ARHGEF9: variants seen among roughly 807,000 people sequenced by gnomAD.
The protein encoded by ARHGEF9 is rho guanine nucleotide exchange factor 9.
ARHGEF9 carries 2 observed loss-of-function variants against 41.3 expected under a neutral mutation model. The ratio of observed to expected loss-of-function variants is 0.05; its 90% CI spans 0.02 to 0.15. The LOEUF (loss-of-function observed/expected upper bound fraction) is 0.15, where lower values mean the gene tolerates loss of function less well. ARHGEF9 is among the 10% of genes least tolerant of loss of function. The pLI is 1.00. For missense variants in ARHGEF9, 225 were observed against 424.7 expected, an observed-to-expected ratio of 0.53 and a Z score of 4.13; for synonymous variants, 160 against 154.4, an observed-to-expected ratio of 1.04 and a Z score of -0.27.
chrX:63,728,189 T>C (rs1340941760), intron 1 of ARHGEF9, among the ~76,000 whole-genome samples: 1 of 112,451 alleles, frequency 8.9e-6, no homozygotes, highest in East Asian at 2.8e-4. Flanking sequence ...GTTTTGAAAA[T>C]GTAAACTAAA....
chrX:63,711,254 G>A (rs1453594313), intron 2 of ARHGEF9, among the ~76,000 whole-genome samples: 7 of 111,570 alleles, frequency 6.3e-5, no homozygotes, highest in South Asian at 3.7e-4. Flanking sequence ...CAGATTCAAC[G>A]CAATACCTAT....
At chrX:63,685,308 G>C (rs1410419719) in intron 4 of ARHGEF9, among the ~76,000 whole-genome samples, 1 of 110,544 alleles carries the variant, frequency 9.0e-6, no homozygotes, top group African/African-American at 3.3e-5. Flanking sequence ...ACAATCCTGG[G>C]AGAAATCACA....
At chrX:63,672,062 G>C (rs868943289) in intron 6 of ARHGEF9, among the ~76,000 whole-genome samples, 5 of 111,072 alleles carry the variant, frequency 4.5e-5, no homozygotes, top group African/African-American at 1.6e-4. Context: ...TGGAGGTAAG[G>C]CCTTGGGGGA....
intron 1 of ARHGEF9, among the ~76,000 whole-genome samples, chrX:63,743,721 A>G (rs2055101447): frequency 8.9e-6 from 1 of 112,079 alleles, no homozygotes; most frequent in African/African-American, 3.2e-5. Flanking sequence ...CCATGTGCCT[A>G]AGTGGTTTAT....
At chrX:63,778,465 G>T (rs782351984) in intron 1 of ARHGEF9, among the ~76,000 whole-genome samples, 1 of 112,104 alleles carries the variant, frequency 8.9e-6, no homozygotes, top group African/African-American at 3.2e-5. Context: ...TCATTGTCTT[G>T]GCAATTAACA....
intron 4 of ARHGEF9, among the ~76,000 whole-genome samples, chrX:63,693,870 C>T (rs782270386): frequency 9.2e-6 from 1 of 108,389 alleles, no homozygotes; most frequent in Non-Finnish European, 1.9e-5. Context: ...GTTAGAATGG[C>T]GAAAATTAAA....
chrX:63,710,309 A>C (rs2052844512), intron 2 of ARHGEF9, among the ~76,000 whole-genome samples: 1 of 107,407 alleles, frequency 9.3e-6, no homozygotes, highest in South Asian at 4.0e-4. Context: ...AAAAAAAAAA[A>C]AAAAAAAAAA....
intron 4 of ARHGEF9, among the ~76,000 whole-genome samples, chrX:63,679,109 C>T (rs2050453162): frequency 9.0e-6 from 1 of 111,445 alleles, no homozygotes; most frequent in South Asian, 3.8e-4. Flanking sequence ...AAGATGTATG[C>T]AAGTTAAAAC....
At chrX:63,751,011 T>A (rs1462090875) in intron 1 of ARHGEF9, among the ~76,000 whole-genome samples, 1 of 110,808 alleles carries the variant, frequency 9.0e-6, no homozygotes, top group African/African-American at 3.3e-5. Flanking sequence ...GCTCAGTGGG[T>A]GCTCAGTGAT....
At chrX:63,717,353 C>G (rs782010354) in intron 2 of ARHGEF9, among the ~76,000 whole-genome samples, 10 of 112,062 alleles carry the variant, frequency 8.9e-5, no homozygotes, top group African/African-American at 2.9e-4. Context: ...AATATCATTC[C>G]TATTAGTCTT....
intron 2 of ARHGEF9, chrX:63,712,915 C>T (rs2053038479): frequency 2.7e-5 from 3 of 111,281 alleles, no homozygotes; most frequent in Non-Finnish European, 5.7e-5. Flanking sequence ...ACCATTGTTC[C>T]ATATGATAAA....
intron 1 of ARHGEF9, chrX:63,736,864 TC>T (rs1475936131): frequency 9.0e-6 from 1 of 110,936 alleles, no homozygotes; most frequent in African/African-American, 3.3e-5. Flanking sequence ...GAAACACCTA[TC>T]CCAATATTTA....
chrX:63,713,032 T>C (rs1409591932), intron 2 of ARHGEF9: 1 of 111,717 alleles, frequency 9.0e-6, no homozygotes, highest in Non-Finnish European at 1.9e-5. Flanking sequence ...ATCCAGCCAG[T>C]AATTCCTTCA....
intron 7 of ARHGEF9, 52 bp downstream of exon 7, chrX:63,665,834 C>A: frequency 8.4e-7 from 1 of 1,187,425 alleles, no homozygotes; most frequent in Non-Finnish European, 1.1e-6. Flanking sequence ...GAGGAGGGTC[C>A]GGTACCCTGT....
In ARHGEF9 at chrX:63,637,392, G is replaced by C. The variant is rs1378516323; in HGVS notation, c.*636C>G. ...GCATGTCCAGACTGGCATGACTGAG[G>C]ACAGAGGATGCTGAAAAAAGGTTAT... On this transcript the variant is annotated 3_prime_UTR_variant, in exon 10 of 10. Coordinates refer to ENST00000671741, the MANE Select transcript of ARHGEF9 (RefSeq NM_001353921.2). 6.8e-6 allele frequency: 2 copies of C among 293,350 alleles called. No homozygotes were observed. Among genetic ancestry groups the C allele is most frequent in the African/African-American group, 5.5e-5 (2 of 36,140 alleles). 24.2% of individuals were successfully genotyped at this position (293,350 alleles called of 1,213,427 possible).
chrX:63,745,694 A>T (rs2055228866), intron 1 of ARHGEF9, among the ~76,000 whole-genome samples: 1 of 111,388 alleles, frequency 9.0e-6, no homozygotes, highest in Non-Finnish European at 1.9e-5. Flanking sequence ...TGTACTAGGC[A>T]CTTTAATATC....
chrX:63,742,492 C>T, intron 1 of ARHGEF9, among the ~76,000 whole-genome samples: 1 of 111,814 alleles, frequency 8.9e-6, no homozygotes, highest in South Asian at 3.8e-4. Context: ...TATTGGTTGT[C>T]TCCCTATTCT....
chrX:63,681,587 G>C (rs1485130201), intron 4 of ARHGEF9, among the ~76,000 whole-genome samples: 1 of 110,126 alleles, frequency 9.1e-6, no homozygotes, highest in Non-Finnish European at 1.9e-5. Context: ...AAATCCTTTG[G>C]GATGCAGCAA....
In ARHGEF9 at chrX:63,636,627, T is replaced by C; in HGVS notation, c.*1401A>G. On this transcript the variant is annotated 3_prime_UTR_variant, in exon 10 of 10. Transcript: ENST00000671741. The stretch of plus-strand genomic sequence containing the variant: ...TACCAAAAATCCTCCTGTGCTAGGA[T>C]GGCAGGAGAAAGAAGAAAGAGAGAG... 2 of 257,632 alleles carry C rather than the reference T, an allele frequency of 7.8e-6. No individual in the cohort carries two copies. Among genetic ancestry groups the C allele is most frequent in the South Asian group, 5.3e-4 (2 of 3,791 alleles). The allele number at this position is 257,632 out of a possible 1,213,427, so 21.2% of individuals were successfully genotyped here. A position where few individuals can be genotyped will look rare whatever the true frequency, so the allele number is the denominator to read the frequency against.
Sources: allele counts gnomAD v4.1 joint callset (sites outside exome capture counted in the v4.1 genomes callset), GRCh38; gene constraint gnomAD v4.1.1; transcripts MANE v1.5; gene names NCBI Gene and HGNC (gene_info 2026-07-23, HGNC 2026-07-21).